Variants in AFF3 observed in about 807,000 individuals in gnomAD.
AFF3 encodes the protein ALF transcription elongation factor 3.
A neutral mutation model predicts 129.7 loss-of-function variants in AFF3; 32 were observed. The ratio of observed to expected loss-of-function variants is 0.25; its 90% CI spans 0.19 to 0.33. AFF3 has a LOEUF of 0.33. AFF3 is among the 10% of genes least tolerant of loss of function. The pLI is 1.00. For missense variants in AFF3, 1,373 were observed against 1,592.0 expected (o/e 0.86, Z 2.34); for synonymous variants, 644 against 635.4 (o/e 1.01, Z -0.20).
chr2:99,645,539 T>C (rs1297930295), intron 13 of AFF3, among the ~76,000 whole-genome samples: 2 of 152,044 alleles, frequency 1.3e-5, no homozygotes, highest in African/African-American at 4.8e-5. Context: ...ACACCCCTTC[T>C]TGTCACTGCT....
intron 10 of AFF3, among the ~76,000 whole-genome samples, chr2:99,739,491 C>T (rs550243194): frequency 6.6e-5 from 10 of 152,168 alleles, no homozygotes; most frequent in Admixed American, 4.6e-4. Flanking sequence ...CTGAACAGGA[C>T]GTTCTCATAA....
rs756251519 is a variant in AFF3, at chr2:99,601,548, CGCTGCTGCT to C, written c.1249_1257del (p.Ser417_Ser419del). The C allele has an allele frequency of 5.0e-6, 8 of 1,598,764 alleles. No individual in the cohort carries two copies. Among genetic ancestry groups the C allele is most frequent in the South Asian group, 2.2e-5 (2 of 88,904 alleles). On this transcript the variant is annotated inframe_deletion, in exon 14 of 25. Coordinates refer to ENST00000672756, the MANE Select transcript of AFF3 (RefSeq NM_001386135.1). ...GAGTCGCTGGAGGAGCTGCTGCTGC[CGCTGCTGCT>C]GCTGCTGCTGCTGCCCTTGCTGGAA...
At chr2:99,617,077 G>T (rs1206023755) in intron 13 of AFF3, among the ~76,000 whole-genome samples, 1 of 152,172 alleles carries the variant, frequency 6.6e-6, no homozygotes, top group African/African-American at 2.4e-5. Context: ...ACGTCGGATT[G>T]TTTCCATTTT....
chr2:100,070,154 T>C (rs531419593), intron 4 of AFF3, among the ~76,000 whole-genome samples: 2 of 152,300 alleles, frequency 1.3e-5, no homozygotes, highest in South Asian at 2.1e-4. Flanking sequence ...AAGTGTCTCC[T>C]GGATTTCTGT....
intron 12 of AFF3, among the ~76,000 whole-genome samples, chr2:99,653,024 A>G (rs1305691786): frequency 6.6e-6 from 1 of 152,140 alleles, no homozygotes; most frequent in African/African-American, 2.4e-5. Flanking sequence ...GTGCTCTTCC[A>G]TGGAGCCAGC....
intron 11 of AFF3, among the ~76,000 whole-genome samples, chr2:99,703,645 C>CTT (rs35535652): frequency 6.4e-4 from 94 of 147,024 alleles, no homozygotes; most frequent in African/African-American, 1.2e-3. Context: ...TCATTTCTCT[C>CTT]TTTTTTTTTT....
chr2:99,701,645 C>G (rs1044478446), intron 11 of AFF3, among the ~76,000 whole-genome samples: 7 of 152,168 alleles, frequency 4.6e-5, no homozygotes, highest in Admixed American at 1.3e-4. Context: ...TAGAACAATC[C>G]ACAGAGCTTA....
intron 8 of AFF3, among the ~76,000 whole-genome samples, chr2:99,762,078 C>T (rs1682653788): frequency 6.6e-6 from 1 of 151,984 alleles, no homozygotes; most frequent in Non-Finnish European, 1.5e-5. Context: ...ACCTGTGCTA[C>T]CCTGAGCGAG....
chr2:99,708,543 T>C (rs912624545), intron 11 of AFF3, among the ~76,000 whole-genome samples: 33 of 152,288 alleles, frequency 2.2e-4, no homozygotes, highest in African/African-American at 7.2e-4. Flanking sequence ...AGTTTTAATT[T>C]TTTCCTTCAA....
chr2:100,086,213 C>T (rs1006174617), intron 4 of AFF3, among the ~76,000 whole-genome samples: 4 of 152,158 alleles, frequency 2.6e-5, no homozygotes, highest in African/African-American at 9.7e-5. Flanking sequence ...ATGCATACTG[C>T]CATAGTGTCA....
chr2:99,552,610 C>T (rs969866426), intron 24 of AFF3, among the ~76,000 whole-genome samples: 3 of 152,160 alleles, frequency 2.0e-5, no homozygotes, highest in South Asian at 2.1e-4. Context: ...CAAAGGTCCT[C>T]ACATACATGC....
intron 8 of AFF3, among the ~76,000 whole-genome samples, chr2:99,768,314 C>T (rs575104377): frequency 6.6e-6 from 1 of 152,216 alleles, no homozygotes; most frequent in East Asian, 1.9e-4. Context: ...CAATGGTGAC[C>T]AGTGTTAAGC....
chr2:99,882,850 G>A (rs115442572), intron 7 of AFF3, among the ~76,000 whole-genome samples: 6 of 152,288 alleles, frequency 3.9e-5, no homozygotes, highest in Admixed American at 2.0e-4. Context: ...ACATTTTGAC[G>A]GGCACATCAA....
chr2:99,670,059 G>C (rs1373273968), intron 12 of AFF3, among the ~76,000 whole-genome samples: 1 of 152,182 alleles, frequency 6.6e-6, no homozygotes, highest in Non-Finnish European at 1.5e-5. Context: ...TTTACAAACA[G>C]AGACACTGAA....
At chr2:100,093,201 G>C (rs1424585780) in intron 4 of AFF3, among the ~76,000 whole-genome samples, 1 of 150,264 alleles carries the variant, frequency 6.7e-6, no homozygotes, top group Non-Finnish European at 1.5e-5. Context: ...TGACCTTCCA[G>C]GCTCAAGCAA....
At chr2:99,885,907 C>A (rs1480013968) in intron 7 of AFF3, among the ~76,000 whole-genome samples, 1 of 152,174 alleles carries the variant, frequency 6.6e-6, no homozygotes, top group Non-Finnish European at 1.5e-5. Context: ...TCTCTTACTA[C>A]ATTAACCCAT....
intron 7 of AFF3, among the ~76,000 whole-genome samples, chr2:99,986,619 G>T (rs186032222): frequency 6.6e-6 from 1 of 152,182 alleles, no homozygotes; most frequent in Non-Finnish European, 1.5e-5. Context: ...AGTCAAATGT[G>T]GTTCTAAGTG....
chr2:99,965,257 T>C (rs947672585), intron 7 of AFF3, among the ~76,000 whole-genome samples: 22 of 152,170 alleles, frequency 1.4e-4, no homozygotes, highest in Non-Finnish European at 8.8e-5. Flanking sequence ...AGAAGGATGG[T>C]TGAAGAAACC....
At chr2:99,668,570 G>GT (rs916817706) in intron 12 of AFF3, among the ~76,000 whole-genome samples, 98 of 146,584 alleles carry the variant, frequency 6.7e-4, no homozygotes, top group Middle Eastern at 3.8e-3. Flanking sequence ...TTTTTGTTTT[G>GT]TTTTTTTTTC....
Sources: gnomAD v4.1 joint callset for allele counts (sites outside exome capture counted in the v4.1 genomes callset) on GRCh38, gnomAD v4.1.1 for gene constraint, MANE v1.5 for transcripts, NCBI Gene and HGNC (gene_info 2026-07-23, HGNC 2026-07-21) for gene names.